HORMAD2: variants seen among roughly 807,000 people sequenced by gnomAD.
HORMAD2 encodes HORMA domain-containing protein 2.
Under a neutral mutation model 38.8 loss-of-function variants are expected in HORMAD2, and 45 were observed. The observed-to-expected ratio is 1.16, with a 90% CI of 0.91 to 1.49. HORMAD2 has a LOEUF of 1.49. Among genes scored for constraint, HORMAD2 ranks in the 40% most tolerant of loss-of-function variants. The probability of loss-of-function intolerance (pLI) is 0.00; values close to 1 mark genes in which losing one functional copy is unlikely to be tolerated. For synonymous variants in HORMAD2, 126 were observed against 122.8 expected, an observed-to-expected ratio of 1.03 and a Z score of -0.17; for missense variants, 338 against 367.0, an observed-to-expected ratio of 0.92 and a Z score of 0.65.
intron 5 of HORMAD2, among the ~76,000 whole-genome samples, chr22:30,108,234 A>G (rs1244579852): frequency 6.6e-6 from 1 of 152,050 alleles, no homozygotes; most frequent in Non-Finnish European, 1.5e-5. Flanking sequence ...CACCATTCCA[A>G]CCCACTGTCC....
At chr22:30,205,231 G>A in the HORMAD2 span, among the ~76,000 whole-genome samples, 2 of 151,786 alleles carry the variant, frequency 1.3e-5, no homozygotes, top group African/African-American at 2.4e-5. Flanking sequence ...CAGAGAGGGT[G>A]TGTGTGTGTT....
Position 30,115,750 on chromosome 22 carries a change from G to C in HORMAD2, c.342+3228G>C, listed in dbSNP as rs79096120. Reference sequence around the variant, plus strand: ...TTTCAGATAGACATAGTGCTATGAAGAAAATTTTTTAAACAGGTGATGTAC... The same window carrying C: ...TTTCAGATAGACATAGTGCTATGAACAAAATTTTTTAAACAGGTGATGTAC... On this transcript the variant is annotated intron_variant, in intron 7 of 10. Coordinates refer to ENST00000336726, the MANE Select transcript of HORMAD2 (RefSeq NM_152510.4). 4.7e-3 allele frequency among the ~76,000 whole-genome samples: 718 copies of C among 152,264 alleles called. 8 individuals carry two copies. The highest frequency in any genetic ancestry group is 0.016 in the African/African-American group (681 of 41,560).
intron 4 of HORMAD2, 122 bp from the exon 5 acceptor site, chr22:30,104,279 A>C: frequency 2.7e-6 from 2 of 736,618 alleles, no homozygotes; most frequent in Non-Finnish European, 2.4e-6. Flanking sequence ...ATTAAATGGG[A>C]AAGGTAAGAT....
At chr22:30,078,608 A>C (rs7286950), upstream of HORMAD2, among the ~76,000 whole-genome samples, 7,862 of 63,344 alleles carry the variant, frequency 0.12, 97 homozygotes, top group South Asian at 0.22. Context: ...TCTGTCTCAC[A>C]AAAAAAAAAA....
intron 1 of HORMAD2, among the ~76,000 whole-genome samples, chr22:30,088,236 C>CATATATACATATAT (rs1474296845): frequency 6.7e-6 from 1 of 149,744 alleles, no homozygotes; most frequent in African/African-American, 2.5e-5. Flanking sequence ...CATATATACA[C>CATATATACATATAT]ACATATATAC....
At position 30,176,081 on chromosome 22, in the gene HORMAD2, G is replaced by A; in HGVS notation, c.838G>A (p.Val280Met). ...CTCACAGATTCAAAGAATGAATTTTGTGTGCAGTCAGCAAAGTTCTGAGTG... is the reference window on the plus strand; with the variant it reads ...CTCACAGATTCAAAGAATGAATTTTATGTGCAGTCAGCAAAGTTCTGAGTG... Reference protein sequence around the residue: ...CNDHIQRMNFVCSQQSSECSR... With the variant: ...CNDHIQRMNFMCSQQSSECSR... The change falls in exon 11 of 11, where the codon GTG becomes ATG. Residue 280 changes from valine to methionine, a missense_variant. Transcript: ENST00000336726. 1 of 1,612,396 alleles carries A rather than the reference G, an allele frequency of 6.2e-7. No individual in the cohort carries two copies.
intron 10 of HORMAD2, among the ~76,000 whole-genome samples, chr22:30,160,589 T>C (rs1569116240): frequency 6.6e-6 from 1 of 152,212 alleles, no homozygotes; most frequent in South Asian, 2.1e-4. Context: ...GTAACAGTGA[T>C]TGTCTTTTAG....
intron 10 of HORMAD2, among the ~76,000 whole-genome samples, chr22:30,133,115 C>A (rs1449770139): frequency 1.3e-5 from 2 of 152,056 alleles, no homozygotes; most frequent in Non-Finnish European, 1.5e-5. Context: ...AAAGTGACTT[C>A]ATTGAGATTT....
At chr22:30,137,400 G>A in intron 10 of HORMAD2, 1 of 456,956 alleles carries the variant, frequency 2.2e-6, no homozygotes, top group Non-Finnish European at 4.3e-6. Context: ...ATGGGTCAAG[G>A]TATTTGAGCC....
intron 10 of HORMAD2, among the ~76,000 whole-genome samples, chr22:30,148,283 G>T (rs917037158): frequency 6.6e-6 from 1 of 152,096 alleles, no homozygotes; most frequent in African/African-American, 2.4e-5. Flanking sequence ...AGATGCAAAA[G>T]ACTAAATACC....
intron 5 of HORMAD2, among the ~76,000 whole-genome samples, chr22:30,110,676 G>A (rs545824925): frequency 2.0e-5 from 3 of 151,624 alleles, no homozygotes; most frequent in African/African-American, 4.8e-5. Context: ...GTGAACCACC[G>A]CACCCGGCCT....
the HORMAD2 span, among the ~76,000 whole-genome samples, chr22:30,186,995 G>T: frequency 6.6e-6 from 1 of 152,312 alleles, no homozygotes; most frequent in South Asian, 2.1e-4. Context: ...CCCACCAAAT[G>T]TCAAGCATCC....
chr22:30,180,923 TC>T (rs2123759206), downstream of HORMAD2, among the ~76,000 whole-genome samples: 1 of 9,174 alleles, frequency 1.1e-4, no homozygotes, highest in Non-Finnish European at 4.2e-4. Flanking sequence ...TTCCCTTCCC[TC>T]TCCTCTCCTC....
chr22:30,120,881 TTGAG>T (rs375789583), intron 8 of HORMAD2, among the ~76,000 whole-genome samples: 5 of 152,088 alleles, frequency 3.3e-5, no homozygotes, highest in South Asian at 2.1e-4. Context: ...TGCAAATACT[TTGAG>T]TGAGAGGAAA....
chr22:30,201,916 G>A, the HORMAD2 span, among the ~76,000 whole-genome samples: 1 of 152,118 alleles, frequency 6.6e-6, no homozygotes, highest in Non-Finnish European at 1.5e-5. Flanking sequence ...GAAATGCTAC[G>A]GGAACTATGT....
chr22:30,183,793 T>C, the HORMAD2 span, among the ~76,000 whole-genome samples: 2 of 152,114 alleles, frequency 1.3e-5, no homozygotes, highest in African/African-American at 2.4e-5. Flanking sequence ...CCTTAGTAGG[T>C]TGATATAGAA....
At chr22:30,104,374 T>G (rs1375301211) in intron 4 of HORMAD2, 27 bp from the exon 5 acceptor site, 1 of 1,599,246 alleles carries the variant, frequency 6.3e-7, no homozygotes, top group Non-Finnish European at 8.5e-7. Flanking sequence ...ATGGTCCAAT[T>G]GACATCAAAC....
intron 2 of HORMAD2, among the ~76,000 whole-genome samples, chr22:30,097,811 G>T (rs1372622309): frequency 6.6e-6 from 1 of 152,178 alleles, no homozygotes; most frequent in Admixed American, 6.6e-5. Flanking sequence ...TGGCAATATG[G>T]AAGACAGGTT....
chr22:30,126,323 C>A (rs1308655648), intron 10 of HORMAD2, among the ~76,000 whole-genome samples: 1 of 152,080 alleles, frequency 6.6e-6, no homozygotes, highest in Non-Finnish European at 1.5e-5. Context: ...CGCCCGCCAC[C>A]ACACCGCCTA....
Sources: gnomAD v4.1 joint callset for allele counts (sites outside exome capture counted in the v4.1 genomes callset) on GRCh38, gnomAD v4.1.1 for gene constraint, MANE v1.5 for transcripts, NCBI Gene and HGNC (gene_info 2026-07-23, HGNC 2026-07-21) for gene names.